Variants in GOLGA8A observed in about 807,000 individuals in gnomAD.
GOLGA8A encodes the protein golgin A8 family member A, also known as golgin subfamily A member 8A.
A neutral mutation model predicts 22.1 loss-of-function variants in GOLGA8A; 3 were observed. The observed-to-expected ratio is 0.14, with a 90% CI of 0.06 to 0.35. The LOEUF is 0.35. GOLGA8A is among the 10% of genes least tolerant of loss of function. The pLI, the probability that GOLGA8A is intolerant of heterozygous loss-of-function variation, is 1.00. For synonymous variants in GOLGA8A, 7 were observed against 91.7 expected (o/e 0.08, Z 5.28); for missense variants, 16 against 233.2 (o/e 0.07, Z 6.07).
At chr15:34,436,468 T>C (rs1392084907) in intron 1 of GOLGA8A, among the ~76,000 whole-genome samples, 1 of 149,490 alleles carries the variant, frequency 6.7e-6, no homozygotes, top group Non-Finnish European at 1.5e-5. Flanking sequence ...GCCTGCCAGG[T>C]CGTTATCTGA....
chr15:34,434,989 A>T (rs546341650), intron 2 of GOLGA8A, among the ~76,000 whole-genome samples: 2 of 149,624 alleles, frequency 1.3e-5, no homozygotes, highest in African/African-American at 4.9e-5. Context: ...CAAGCCACCC[A>T]GTGATGTGTG....
intron 2 of GOLGA8A, among the ~76,000 whole-genome samples, chr15:34,432,257 A>G (rs1657067285): frequency 6.7e-6 from 1 of 149,156 alleles, no homozygotes; most frequent in African/African-American, 2.5e-5. Flanking sequence ...GATGCCAGCC[A>G]TCAGTCTCTC....
intron 2 of GOLGA8A, among the ~76,000 whole-genome samples, chr15:34,432,488 G>T (rs1358626280): frequency 1.3e-5 from 2 of 148,888 alleles, no homozygotes; most frequent in East Asian, 3.9e-4. Flanking sequence ...CCTGTCCCCA[G>T]CCTCCTCGTT....
At chr15:34,401,007 C>T (rs1217909551) in intron 5 of GOLGA8A, among the ~76,000 whole-genome samples, 9 of 83,194 alleles carry the variant, frequency 1.1e-4, no homozygotes, top group African/African-American at 3.5e-4. Context: ...AACATTTCTT[C>T]TAGATCACTA....
intron 2 of GOLGA8A, among the ~76,000 whole-genome samples, chr15:34,423,428 T>C (rs71464868): frequency 0.036 from 5,153 of 142,218 alleles, 327 homozygotes; most frequent in Middle Eastern, 0.072. Flanking sequence ...TAGCTGGTAT[T>C]GATAGCTGTT....
In GOLGA8A at chr15:34,381,409, G is replaced by GT; in HGVS notation, c.*1dup. 1 of 1,606,244 alleles carries GT rather than the reference G, an allele frequency of 6.2e-7. No homozygotes were observed. The highest frequency in any genetic ancestry group is 8.5e-7 in the Non-Finnish European group (1 of 1,174,932). On this transcript the variant is annotated 3_prime_UTR_variant, in exon 25 of 25. Coordinates refer to ENST00000359187, the MANE Select transcript of GOLGA8A (RefSeq NM_181077.5). ...TGAGCAGCTCTTTGATGATGGTGGTGTTTATCTCCTTCTTCTCGGCAGCCA... is the reference window on the plus strand; with the variant it reads ...TGAGCAGCTCTTTGATGATGGTGGTGTTTTATCTCCTTCTTCTCGGCAGCCA...
rs568889818 is a variant in GOLGA8A, at chr15:34,432,349, C to T, written c.-1123+3034G>A. ...CATGCCCACCCTGTTAAAAACAAATCTGATACAAAATGGGCCCCAGCAGGA... is the reference window on the plus strand; with the variant it reads ...CATGCCCACCCTGTTAAAAACAAATTTGATACAAAATGGGCCCCAGCAGGA... On this transcript the variant is annotated intron_variant, in intron 2 of 24. Transcript: ENST00000359187. Among the ~76,000 whole-genome samples, 19 of 148,608 alleles carry T rather than the reference C, an allele frequency of 1.3e-4. 1 individual carries two copies. The highest frequency in any genetic ancestry group is 1.8e-4 in the Non-Finnish European group (12 of 67,084).
chr15:34,435,481 A>T lies in GOLGA8A; in HGVS notation c.-1211-10T>A, dbSNP rs74007824. The T allele has an allele frequency of 2.2e-4, 32 of 144,634 alleles. 3 individuals are homozygous for T. The highest frequency in any genetic ancestry group is 7.9e-4 in the African/African-American group (31 of 39,372). 9.0% of individuals were successfully genotyped at this position (144,634 alleles called of 1,614,324 possible). On this transcript the variant is annotated splice_polypyrimidine_tract_variant and intron_variant, in intron 1 of 24. Coordinates refer to ENST00000359187, the MANE Select transcript of GOLGA8A (RefSeq NM_181077.5). The stretch of plus-strand genomic sequence containing the variant: ...TCTCCACCGATTATTCCTGTAAAAC[A>T]TTTTTTTTTTTAAAGTTTAGAGTTA...
Position 34,425,173 on chromosome 15 carries a change from T to C in GOLGA8A, c.-1123+10210A>G, listed in dbSNP as rs1215797692. Reference sequence around the variant, plus strand: ...GCGGAGAATGAAAAAAGAAGAGGAATGAAGAGGTAATGGCCCTTTAAGATA... The same window carrying C: ...GCGGAGAATGAAAAAAGAAGAGGAACGAAGAGGTAATGGCCCTTTAAGATA... On this transcript the variant is annotated intron_variant, in intron 2 of 24. Coordinates refer to ENST00000359187, the MANE Select transcript of GOLGA8A (RefSeq NM_181077.5). 4.1e-5 allele frequency among the ~76,000 whole-genome samples: 6 copies of C among 145,930 alleles called. No homozygotes were observed. In the Admixed American group the frequency reaches 4.2e-4, roughly 10 times the overall value.
At chr15:34,400,535 C>G (rs1892015701) in intron 6 of GOLGA8A, among the ~76,000 whole-genome samples, 177 bp downstream of exon 6, 1 of 150,252 alleles carries the variant, frequency 6.7e-6, no homozygotes. Context: ...GCCAAAGGTT[C>G]TATTTCTTAA....
At chr15:34,429,582 C>T (rs1302884615) in intron 2 of GOLGA8A, among the ~76,000 whole-genome samples, 1 of 149,166 alleles carries the variant, frequency 6.7e-6, no homozygotes, top group African/African-American at 2.5e-5. Flanking sequence ...GCCTTGGACC[C>T]AGAGCCAGAA....
chr15:34,430,900 C>G (rs1371549691), intron 2 of GOLGA8A, among the ~76,000 whole-genome samples: 1 of 149,450 alleles, frequency 6.7e-6, no homozygotes, highest in African/African-American at 2.5e-5. Flanking sequence ...GTTCCTAACA[C>G]ACGCCTGGCC....
At chr15:34,436,891 G>A (rs912036105) in intron 1 of GOLGA8A, among the ~76,000 whole-genome samples, 2 of 149,764 alleles carry the variant, frequency 1.3e-5, no homozygotes, top group East Asian at 2.0e-4. Context: ...TTATTATACA[G>A]GGAAAGGGAA....
Position 34,426,135 on chromosome 15 carries a change from C to T in GOLGA8A, c.-1123+9248G>A, listed in dbSNP as rs1325224166. ...CTACGAAAACAACCCCATGCAGATGCAAGGGTTTAATGTACGAGACTCCAC... is the reference window on the plus strand; with the variant it reads ...CTACGAAAACAACCCCATGCAGATGTAAGGGTTTAATGTACGAGACTCCAC... On this transcript the variant is annotated intron_variant, in intron 2 of 24. Transcript: ENST00000359187. Among the ~76,000 whole-genome samples, 3 of 149,070 alleles carry T rather than the reference C, an allele frequency of 2.0e-5. 1 individual carries two copies. Among genetic ancestry groups the T allele is most frequent in the African/African-American group, 7.4e-5 (3 of 40,476 alleles).
chr15:34,436,026 A>T (rs1412927640), intron 1 of GOLGA8A, among the ~76,000 whole-genome samples: 1 of 148,894 alleles, frequency 6.7e-6, no homozygotes, highest in African/African-American at 2.5e-5. Context: ...GTCACCCAGG[A>T]ATCAGCGCAG....
intron 2 of GOLGA8A, among the ~76,000 whole-genome samples, chr15:34,434,407 CAT>C (rs1357673756): frequency 2.7e-5 from 4 of 149,370 alleles, no homozygotes; most frequent in Non-Finnish European, 6.0e-5. Context: ...CAGGGTTCCA[CAT>C]AGAGAGCCTG....
Position 34,432,584 on chromosome 15 carries a change from G to T in GOLGA8A, c.-1123+2799C>A, listed in dbSNP as rs1026655883. On this transcript the variant is annotated intron_variant, in intron 2 of 24. Coordinates refer to ENST00000359187, the MANE Select transcript of GOLGA8A (RefSeq NM_181077.5). ...AAAGAGGGATGGAACTCAACACACA[G>T]AATTGCCCGATGATGTGTGTTTCAT... Among the ~76,000 whole-genome samples, 4 of 149,296 alleles carry T rather than the reference G, an allele frequency of 2.7e-5. 1 individual carries two copies. Among genetic ancestry groups the T allele is most frequent in the African/African-American group, 9.9e-5 (4 of 40,404 alleles).
rs190540337 is a variant in GOLGA8A at position 34,427,262 on chromosome 15, T to C, written c.-1123+8121A>G. On this transcript the variant is annotated intron_variant, in intron 2 of 24. Transcript: ENST00000359187. The stretch of plus-strand genomic sequence containing the variant: ...AGGAGAATGGCGTGAACCCAGGAGG[T>C]GGAGCTTACAGTAAGCCGAGATTGT... Among the ~76,000 whole-genome samples, 281 of 130,720 alleles carry C rather than the reference T, an allele frequency of 2.1e-3. 20 individuals are homozygous for C. The Middle Eastern group carries it at 0.038, about 18-fold the overall frequency. The allele number at this position is 130,720 out of a possible 152,430, so 85.8% of individuals were successfully genotyped here.
intron 2 of GOLGA8A, among the ~76,000 whole-genome samples, chr15:34,434,396 G>A (rs117784984): frequency 0.095 from 14,165 of 149,188 alleles, 1,782 homozygotes; most frequent in South Asian, 0.25. Context: ...CCACCAGTAC[G>A]CAGGGTTCCA....
Sources: allele counts gnomAD v4.1 joint callset (sites outside exome capture counted in the v4.1 genomes callset), GRCh38; gene constraint gnomAD v4.1.1; transcripts MANE v1.5; gene names NCBI Gene and HGNC (gene_info 2026-07-23, HGNC 2026-07-21).